The following NUBPL variants were observed in gnomAD, a reference collection of about 807,000 sequenced individuals.
NUBPL encodes the protein NUBP iron-sulfur cluster assembly factor, mitochondrial.
Under a neutral mutation model 45.7 loss-of-function variants are expected in NUBPL, and 31 were observed. The observed-to-expected ratio is 0.68, with a 90% confidence interval of 0.51 to 0.92. NUBPL has a LOEUF of 0.92. Ranked by LOEUF, NUBPL falls within the 40% of genes least tolerant of loss-of-function variation. NUBPL has a pLI of 0.00. For missense variants in NUBPL, 401 were observed against 398.7 expected, an observed-to-expected ratio of 1.01 and a Z score of -0.05; for synonymous variants, 144 against 140.9, an observed-to-expected ratio of 1.02 and a Z score of -0.15.
At chr14:31,848,296 A>T (rs2040484728) in intron 9 of NUBPL, among the ~76,000 whole-genome samples, 1 of 152,186 alleles carries the variant, frequency 6.6e-6, no homozygotes, top group Admixed American at 6.5e-5. Context: ...GAAGTGGAGC[A>T]GGGCTTCAAT....
intron 6 of NUBPL, among the ~76,000 whole-genome samples, chr14:31,688,691 G>A (rs2037023440): frequency 6.9e-6 from 1 of 143,912 alleles, no homozygotes; most frequent in Non-Finnish European, 1.5e-5. Flanking sequence ...AGGTTCAGGG[G>A]TTCAGATAAG....
intron 4 of NUBPL, among the ~76,000 whole-genome samples, chr14:31,634,423 A>G (rs1362733072): frequency 6.6e-6 from 1 of 151,594 alleles, no homozygotes; most frequent in Admixed American, 6.6e-5. Flanking sequence ...TGAACTCATC[A>G]TTTTTTATGG....
chr14:31,747,766 A>T (rs931283932), intron 6 of NUBPL, among the ~76,000 whole-genome samples: 1 of 151,698 alleles, frequency 6.6e-6, no homozygotes, highest in African/African-American at 2.4e-5. Context: ...TTTTTGTTTC[A>T]TTCATCTTTT....
At chr14:31,725,272 CACAGAG>C (rs2037895964) in intron 6 of NUBPL, among the ~76,000 whole-genome samples, 1 of 152,110 alleles carries the variant, frequency 6.6e-6, no homozygotes, top group Admixed American at 6.6e-5. Context: ...TTGGTTAAAA[CACAGAG>C]ACAGAGAGGT....
chr14:31,777,701 CT>C (rs1489366662), intron 6 of NUBPL, among the ~76,000 whole-genome samples: 2 of 152,170 alleles, frequency 1.3e-5, no homozygotes, highest in African/African-American at 2.4e-5. Flanking sequence ...GAAGGTGTCC[CT>C]TTCAGAGATT....
chr14:31,712,558 G>A (rs990159841), intron 6 of NUBPL, among the ~76,000 whole-genome samples: 4 of 152,208 alleles, frequency 2.6e-5, no homozygotes, highest in African/African-American at 4.8e-5. Context: ...CTCCGGCCTC[G>A]GCCAGCCCCA....
chr14:31,812,950 A>G (rs1277909441), intron 7 of NUBPL, among the ~76,000 whole-genome samples: 2 of 150,700 alleles, frequency 1.3e-5, no homozygotes, highest in Non-Finnish European at 2.9e-5. Flanking sequence ...AGTGGTTCCT[A>G]AGTGAACTCA....
At chr14:31,779,345 AAAAAG>A (rs1422092827) in intron 6 of NUBPL, among the ~76,000 whole-genome samples, 1 of 152,106 alleles carries the variant, frequency 6.6e-6, no homozygotes, top group Non-Finnish European at 1.5e-5. Context: ...TCTCAAAAAA[AAAAAG>A]AAGAAGAAAG....
At chr14:31,654,774 A>G (rs574658999) in intron 4 of NUBPL, among the ~76,000 whole-genome samples, 16 of 152,150 alleles carry the variant, frequency 1.1e-4, no homozygotes, top group Non-Finnish European at 2.4e-4. Flanking sequence ...CTTTTCATGA[A>G]TGATTTGTCT....
intron 7 of NUBPL, among the ~76,000 whole-genome samples, chr14:31,825,730 A>G (rs11621691): frequency 8.7e-6 from 1 of 115,004 alleles, no homozygotes; most frequent in Non-Finnish European, 1.8e-5. Context: ...CTCCTTCATC[A>G]TCTTCTTCAT....
At chr14:31,749,053 G>A (rs1595577134) in intron 6 of NUBPL, among the ~76,000 whole-genome samples, 1 of 152,120 alleles carries the variant, frequency 6.6e-6, no homozygotes, top group Non-Finnish European at 1.5e-5. Flanking sequence ...GCAAAATATA[G>A]TTGGGATTTT....
At chr14:31,741,643 G>A (rs989820943) in intron 6 of NUBPL, among the ~76,000 whole-genome samples, 6 of 152,258 alleles carry the variant, frequency 3.9e-5, no homozygotes, top group South Asian at 4.1e-4. Flanking sequence ...GGACCCCCAT[G>A]TTACTGAGTC....
At chr14:31,742,220 C>CA (rs2038299494) in intron 6 of NUBPL, among the ~76,000 whole-genome samples, 1 of 143,840 alleles carries the variant, frequency 7.0e-6, no homozygotes, top group Non-Finnish European at 1.5e-5. Context: ...ACTATGAAAC[C>CA]AATTTTAACT....
At chr14:31,733,189 AG>A (rs2038091376) in intron 6 of NUBPL, among the ~76,000 whole-genome samples, 2 of 152,174 alleles carry the variant, frequency 1.3e-5, no homozygotes, top group African/African-American at 4.8e-5. Context: ...ATAGATAGGT[AG>A]GTAGGTAGAT....
chr14:31,669,796 G>GTTTTT (rs2036526195), intron 4 of NUBPL, among the ~76,000 whole-genome samples: 1 of 51,728 alleles, frequency 1.9e-5, no homozygotes, highest in East Asian at 8.6e-4. Flanking sequence ...ACATGATCTT[G>GTTTTT]GTTTTTTTTT....
At chr14:31,681,803 G>A (rs566551725) in intron 6 of NUBPL, among the ~76,000 whole-genome samples, 1 of 152,048 alleles carries the variant, frequency 6.6e-6, no homozygotes, top group Non-Finnish European at 1.5e-5. Context: ...TTTTTGGTAT[G>A]TTGTTTAATA....
chr14:31,833,154 G>A (rs937742983), intron 8 of NUBPL, among the ~76,000 whole-genome samples: 6 of 152,068 alleles, frequency 3.9e-5, no homozygotes, highest in Non-Finnish European at 8.8e-5. Context: ...TACTGCTTGA[G>A]GCTAGGAGTT....
chr14:31,851,865 T>C (rs1595710979), intron 10 of NUBPL, among the ~76,000 whole-genome samples: 1 of 152,226 alleles, frequency 6.6e-6, no homozygotes, highest in Non-Finnish European at 1.5e-5. Context: ...ATTAAGAGTT[T>C]AGATTTTTAT....
At chr14:31,647,539 A>G (rs948270661) in intron 4 of NUBPL, among the ~76,000 whole-genome samples, 1 of 152,208 alleles carries the variant, frequency 6.6e-6, no homozygotes, top group Non-Finnish European at 1.5e-5. Context: ...AAGGCTGGCT[A>G]GGGGTTTGTG....
Sources: allele counts gnomAD v4.1 joint callset (sites outside exome capture counted in the v4.1 genomes callset), GRCh38; gene constraint gnomAD v4.1.1; transcripts MANE v1.5; gene names NCBI Gene and HGNC (gene_info 2026-07-23, HGNC 2026-07-21).